The following KCNIP4 variants were observed in gnomAD, a reference collection of about 807,000 sequenced individuals.
KCNIP4 encodes Kv channel-interacting protein 4.
Under a neutral mutation model 34.0 loss-of-function variants are expected in KCNIP4, and 12 were observed. That is an observed-to-expected ratio of 0.35 (90% CI 0.23 to 0.57). The LOEUF is 0.57. Among genes scored for constraint, KCNIP4 ranks in the 20% least tolerant of loss-of-function variants. KCNIP4 has a pLI of 0.83. For missense variants in KCNIP4, 238 were observed against 311.7 expected, an observed-to-expected ratio of 0.76 and a Z score of 1.78; for synonymous variants, 124 against 102.2, an observed-to-expected ratio of 1.21 and a Z score of -1.29.
intron 1 of KCNIP4, among the ~76,000 whole-genome samples, chr4:21,714,841 T>C (rs372352705): frequency 0.55 from 1,538 of 2,788 alleles, 235 homozygotes; most frequent in Non-Finnish European, 0.56. Flanking sequence ...TTTATTTTAT[T>C]TTATTTTATT....
chr4:21,935,091 C>T (rs1250982546), intron 1 of KCNIP4, among the ~76,000 whole-genome samples: 1 of 152,050 alleles, frequency 6.6e-6, no homozygotes, highest in East Asian at 1.9e-4. Context: ...TGCCTAGGTG[C>T]ATGTCCTTGA....
chr4:21,733,694 G>A (rs957258071), intron 1 of KCNIP4, among the ~76,000 whole-genome samples: 3 of 152,122 alleles, frequency 2.0e-5, no homozygotes, highest in Admixed American at 6.6e-5. Flanking sequence ...ATGAATATCC[G>A]TATGTTGCTA....
At chr4:21,221,427 A>G (rs190760971) in intron 1 of KCNIP4, among the ~76,000 whole-genome samples, 23 of 152,250 alleles carry the variant, frequency 1.5e-4, no homozygotes, top group East Asian at 1.9e-4. Flanking sequence ...GAAACTTACA[A>G]TCATGGTGGA....
chr4:21,906,100 C>G (rs1164500384), intron 1 of KCNIP4, among the ~76,000 whole-genome samples: 1 of 152,148 alleles, frequency 6.6e-6, no homozygotes, highest in African/African-American at 2.4e-5. Context: ...TTTCAGGCTA[C>G]AGTGGCAATG....
At chr4:20,977,827 T>A (rs1018257984) in intron 1 of KCNIP4, among the ~76,000 whole-genome samples, 4 of 152,242 alleles carry the variant, frequency 2.6e-5, no homozygotes, top group Non-Finnish European at 5.9e-5. Context: ...GTCACTTATC[T>A]TTTTGCAGCC....
chr4:21,735,009 T>C (rs1201281345), intron 1 of KCNIP4, among the ~76,000 whole-genome samples: 1 of 152,158 alleles, frequency 6.6e-6, no homozygotes, highest in African/African-American at 2.4e-5. Context: ...TTTTCACTCA[T>C]TCATTGCCTC....
chr4:21,881,198 TG>T (rs1198935729), intron 1 of KCNIP4, among the ~76,000 whole-genome samples: 1 of 152,152 alleles, frequency 6.6e-6, no homozygotes, highest in Non-Finnish European at 1.5e-5. Context: ...ATTTTTCTTA[TG>T]GATATGGCTG....
intron 1 of KCNIP4, among the ~76,000 whole-genome samples, chr4:21,113,459 A>T (rs1749414007): frequency 1.2e-5 from 1 of 83,278 alleles, no homozygotes; most frequent in African/African-American, 7.2e-5. Context: ...TAAGTTTAAA[A>T]AAAAAAAAAA....
At chr4:20,983,198 C>T (rs966685660) in intron 1 of KCNIP4, among the ~76,000 whole-genome samples, 1 of 152,172 alleles carries the variant, frequency 6.6e-6, no homozygotes, top group African/African-American at 2.4e-5. Context: ...TTGATAGCAA[C>T]AGTCCTGTCT....
chr4:21,908,671 T>C (rs1420547137), intron 1 of KCNIP4, among the ~76,000 whole-genome samples: 1 of 152,178 alleles, frequency 6.6e-6, no homozygotes, highest in Admixed American at 6.5e-5. Context: ...GAGAGGAAGT[T>C]AGGGATCATT....
intron 3 of KCNIP4, among the ~76,000 whole-genome samples, chr4:20,817,637 T>C (rs1219533903): frequency 1.3e-5 from 2 of 152,102 alleles, no homozygotes; most frequent in Non-Finnish European, 2.9e-5. Flanking sequence ...ATTTTACCTT[T>C]TTTTTTTCTT....
intron 1 of KCNIP4, among the ~76,000 whole-genome samples, chr4:20,903,327 C>T (rs1454215151): frequency 1.3e-5 from 2 of 152,092 alleles, no homozygotes; most frequent in Non-Finnish European, 2.9e-5. Flanking sequence ...TTGACACGTT[C>T]AAATATGACA....
intron 1 of KCNIP4, among the ~76,000 whole-genome samples, chr4:21,062,469 T>A (rs1744004747): frequency 6.6e-6 from 1 of 152,028 alleles, no homozygotes; most frequent in African/African-American, 2.4e-5. Context: ...CCCATATGAC[T>A]GGTGTATTAG....
intron 1 of KCNIP4, among the ~76,000 whole-genome samples, chr4:21,601,613 A>C (rs1207300242): frequency 6.6e-6 from 1 of 152,028 alleles, no homozygotes; most frequent in East Asian, 1.9e-4. Context: ...TTCCTGCTGC[A>C]CTGGATGGAT....
intron 3 of KCNIP4, among the ~76,000 whole-genome samples, chr4:20,816,814 A>G (rs1370541419): frequency 6.6e-6 from 1 of 152,152 alleles, no homozygotes; most frequent in Non-Finnish European, 1.5e-5. Flanking sequence ...TCTGGAATGG[A>G]TTTCATCTTT....
At chr4:20,773,160 CAT>C (rs967654829) in intron 3 of KCNIP4, among the ~76,000 whole-genome samples, 1 of 152,180 alleles carries the variant, frequency 6.6e-6, no homozygotes, top group African/African-American at 2.4e-5. Context: ...ATGAGCCACT[CAT>C]ATCACTTACT....
intron 3 of KCNIP4, among the ~76,000 whole-genome samples, chr4:20,826,156 A>T (rs73242506): frequency 4.5e-4 from 68 of 152,280 alleles, no homozygotes; most frequent in Non-Finnish European, 6.2e-4. Flanking sequence ...GGAGAATGGC[A>T]ATACTACTGT....
intron 1 of KCNIP4, among the ~76,000 whole-genome samples, chr4:21,273,796 C>T (rs1762289105): frequency 6.6e-6 from 1 of 152,158 alleles, no homozygotes; most frequent in Non-Finnish European, 1.5e-5. Flanking sequence ...TTTCTATATA[C>T]TACAGCTGTA....
rs553680744 is a variant in KCNIP4, at chr4:21,290,713, G to A, written c.62-408004C>T. On this transcript the variant is annotated intron_variant, in intron 1 of 8. Transcript: ENST00000382152. ...CCAAGGAAGATGACACTGATTAGGT[G>A]AGAGAGGAAACCAAGCTTAGAAGGG... 3.3e-5 allele frequency among the ~76,000 whole-genome samples: 5 copies of A among 152,290 alleles called. No homozygotes were observed. In the East Asian group the frequency reaches 7.7e-4, roughly 24 times the overall value.
Sources: allele counts gnomAD v4.1 joint callset (sites outside exome capture counted in the v4.1 genomes callset), GRCh38; gene constraint gnomAD v4.1.1; transcripts MANE v1.5; gene names NCBI Gene and HGNC (gene_info 2026-07-23, HGNC 2026-07-21).